Variants in KCTD1 observed in about 807,000 individuals in gnomAD.
KCTD1 encodes the protein potassium channel tetramerization domain containing 1, also known as BTB/POZ domain-containing protein KCTD1.
A neutral mutation model predicts 66.0 loss-of-function variants in KCTD1; 24 were observed. The observed-to-expected ratio is 0.36, with a 90% CI of 0.26 to 0.51. KCTD1 has a LOEUF of 0.51. KCTD1 is among the 20% of genes least tolerant of loss of function. The pLI, the probability that KCTD1 is intolerant of heterozygous loss-of-function variation, is 0.95. For synonymous variants in KCTD1, 511 were observed against 517.2 expected, an observed-to-expected ratio of 0.99 and a Z score of 0.16; for missense variants, 943 against 1,205.2, an observed-to-expected ratio of 0.78 and a Z score of 3.22.
chr18:26,469,923 A>AC (rs1408912997), intron 3 of KCTD1, among the ~76,000 whole-genome samples: 14 of 140,070 alleles, frequency 1.0e-4, no homozygotes, highest in African/African-American at 2.5e-4. Context: ...CCCATCTCAA[A>AC]AAAACAAACA....
Position 26,548,503 on chromosome 18 carries a change from T to A in KCTD1, c.34A>T (p.Thr12Ser). 1 of 1,170,352 alleles carries A rather than the reference T, an allele frequency of 8.5e-7. No homozygotes were observed. Among genetic ancestry groups the A allele is most frequent in the South Asian group, 4.1e-5 (1 of 24,354 alleles). The allele number at this position is 1,170,352 out of a possible 1,614,324, so 72.5% of individuals were successfully genotyped here. A position where few individuals can be genotyped will look rare whatever the true frequency, so the allele number is the denominator to read the frequency against. ...GCGCTGGCGCTGCCGCCCGCGCTGGTGTTACAGTCCCCGCTGCCAGGCATT... is the reference window on the plus strand; with the variant it reads ...GCGCTGGCGCTGCCGCCCGCGCTGGAGTTACAGTCCCCGCTGCCAGGCATT... ...ARMPGSGDCN[T>S]SAGGSASAAA... Residue 12 changes from threonine to serine, a missense_variant, in exon 1 of 5, where the codon ACC becomes TCC. By Grantham distance (58) the Thr-to-Ser change is moderately conservative (BLOSUM62 1). This residue lies in a region of KCTD1 where 236 missense variants were observed against 206.6 expected (regional missense o/e 1.14). Transcript: ENST00000580059.
chr18:26,630,312 T>C (rs934710560), upstream of KCTD1, among the ~76,000 whole-genome samples: 1 of 152,026 alleles, frequency 6.6e-6, no homozygotes, highest in Non-Finnish European at 1.5e-5. Flanking sequence ...GACCCTTGAG[T>C]ATATGTCTTT....
At chr18:26,522,299 A>G (rs538657363) in intron 1 of KCTD1, among the ~76,000 whole-genome samples, 2 of 152,226 alleles carry the variant, frequency 1.3e-5, no homozygotes, top group Non-Finnish European at 2.9e-5. Flanking sequence ...CACGGGGAAC[A>G]TGCCACGTGA....
intron 1 of KCTD1, among the ~76,000 whole-genome samples, chr18:26,570,919 C>G (rs1388080748): frequency 6.6e-6 from 1 of 152,204 alleles, no homozygotes; most frequent in Non-Finnish European, 1.5e-5. Flanking sequence ...AAATCATATG[C>G]CGAGTATAAC....
upstream of KCTD1, among the ~76,000 whole-genome samples, chr18:26,630,945 G>T (rs1321646668): frequency 2.0e-5 from 3 of 151,842 alleles, no homozygotes; most frequent in Non-Finnish European, 4.4e-5. Flanking sequence ...TAGAATTTTG[G>T]AAAACTTCCA....
intron 2 of KCTD1, among the ~76,000 whole-genome samples, chr18:26,493,607 A>G (rs1982320857): frequency 1.3e-5 from 2 of 152,202 alleles, no homozygotes; most frequent in African/African-American, 4.8e-5. Context: ...TATGGGGTAC[A>G]TGAGATACTT....
Position 26,548,258 on chromosome 18 carries a change from TTCC to T in KCTD1, c.276_278del (p.Glu96del), listed in dbSNP as rs143299522. The T allele has an allele frequency of 7.6e-3, 11,376 of 1,499,638 alleles. 186 individuals are homozygous for T. The highest frequency in any genetic ancestry group is 0.061 in the African/African-American group (4,380 of 71,684). The allele number at this position is 1,499,638 out of a possible 1,614,324, so 92.9% of individuals were successfully genotyped here. On this transcript the variant is annotated inframe_deletion, in exon 1 of 5. Coordinates refer to ENST00000580059, the MANE Select transcript of KCTD1 (RefSeq NM_001142730.3). The stretch of plus-strand genomic sequence containing the variant: ...CCCAGTCCAGCCCCATCTCCTCCTC[TTCC>T]TCCTCCTCCTCGTCCTCCTCCAGCC...
At chr18:26,648,570 A>G (rs1006420502) in intron 1 of KCTD1, among the ~76,000 whole-genome samples, 4 of 152,138 alleles carry the variant, frequency 2.6e-5, no homozygotes, top group Non-Finnish European at 4.4e-5. Flanking sequence ...CAGAGTAAAT[A>G]TTTTTTCCTC....
At chr18:26,576,255 T>G (rs1228391055) in intron 1 of KCTD1, among the ~76,000 whole-genome samples, 1 of 152,218 alleles carries the variant, frequency 6.6e-6, no homozygotes, top group African/African-American at 2.4e-5. Flanking sequence ...GCATTGTTTA[T>G]CGCTGTTTCT....
intron 1 of KCTD1, among the ~76,000 whole-genome samples, chr18:26,623,475 G>A (rs1343470405): frequency 6.6e-6 from 1 of 152,110 alleles, no homozygotes; most frequent in Non-Finnish European, 1.5e-5. Context: ...ATGAAAGTGA[G>A]TTCTCATGAC....
Position 26,497,413 on chromosome 18 carries a change from G to A in KCTD1, c.1988+3659C>T, listed in dbSNP as rs535615862. On this transcript the variant is annotated intron_variant, in intron 2 of 4. Transcript: ENST00000580059. ...CCCAGAATCTACAAAACTAACTGGAGTTATTTGTGATTCCATGGCCATGGG... is the reference window on the plus strand; with the variant it reads ...CCCAGAATCTACAAAACTAACTGGAATTATTTGTGATTCCATGGCCATGGG... Among the ~76,000 whole-genome samples, 4 of 152,198 alleles carry A rather than the reference G, an allele frequency of 2.6e-5. No homozygotes were observed. The South Asian group carries it at 8.3e-4, about 32-fold the overall frequency.
At chr18:26,564,572 G>A (rs568091646) in intron 1 of KCTD1, among the ~76,000 whole-genome samples, 1 of 152,190 alleles carries the variant, frequency 6.6e-6, no homozygotes, top group South Asian at 2.1e-4. Flanking sequence ...CAGCAAGGCT[G>A]CCGTGTGTGT....
chr18:26,597,304 G>A (rs1438728176), intron 1 of KCTD1, among the ~76,000 whole-genome samples: 1 of 152,096 alleles, frequency 6.6e-6, no homozygotes, highest in African/African-American at 2.4e-5. Context: ...TGATGATGAT[G>A]TGCACATGGG....
intron 2 of KCTD1, among the ~76,000 whole-genome samples, chr18:26,480,726 C>T (rs1046235523): frequency 6.6e-6 from 1 of 152,098 alleles, no homozygotes; most frequent in African/African-American, 2.4e-5. Context: ...AAGATCATGT[C>T]ACTGCACTCC....
intron 2 of KCTD1, among the ~76,000 whole-genome samples, chr18:26,484,753 G>A (rs1219261866): frequency 6.6e-6 from 1 of 152,194 alleles, no homozygotes; most frequent in Middle Eastern, 3.2e-3. Context: ...AAGGACAGAG[G>A]AGAGGGAACC....
intron 4 of KCTD1, chr18:26,458,558 G>C (rs1212340766): frequency 3.9e-5 from 6 of 152,368 alleles, no homozygotes. Context: ...TACCTGTTAG[G>C]GTTGTAAGAA....
chr18:26,543,973 A>G (rs1985094164), intron 1 of KCTD1: 1 of 152,230 alleles, frequency 6.6e-6, no homozygotes, highest in South Asian at 2.1e-4. Flanking sequence ...TCTCTGAGGT[A>G]GGAAAAATGC....
chr18:26,503,321 A>T (rs1982862963), intron 1 of KCTD1, among the ~76,000 whole-genome samples: 1 of 152,146 alleles, frequency 6.6e-6, no homozygotes, highest in African/African-American at 2.4e-5. Flanking sequence ...AATAAAAAAA[A>T]CAAGACAGTT....
At chr18:26,602,975 C>T (rs1986930629) in intron 1 of KCTD1, among the ~76,000 whole-genome samples, 1 of 152,170 alleles carries the variant, frequency 6.6e-6, no homozygotes, top group Non-Finnish European at 1.5e-5. Context: ...GGCCACACAT[C>T]TACAACCATC....
Sources: gnomAD v4.1 joint callset for allele counts (sites outside exome capture counted in the v4.1 genomes callset) on GRCh38, gnomAD v4.1.1 for gene constraint, gnomAD v4.1.1 regional missense constraint, MANE v1.5 for transcripts, NCBI Gene and HGNC (gene_info 2026-07-23, HGNC 2026-07-21) for gene names.